The following MACROD2 variants were observed in gnomAD, a reference collection of about 807,000 sequenced individuals.
The protein encoded by MACROD2 is ADP-ribose glycohydrolase MACROD2.
A neutral mutation model predicts 70.4 loss-of-function variants in MACROD2; 36 were observed. The ratio of observed to expected loss-of-function variants is 0.51; its 90% CI spans 0.39 to 0.68. The LOEUF is 0.68. MACROD2 is among the 30% of genes least tolerant of loss of function. The probability of loss-of-function intolerance (pLI) is 0.00; values close to 1 mark genes in which losing one functional copy is unlikely to be tolerated. For missense variants in MACROD2, 496 were observed against 538.4 expected (o/e 0.92, Z 0.78); for synonymous variants, 172 against 178.8 (o/e 0.96, Z 0.30).
At chr20:14,941,200 A>T (rs890593048) in intron 5 of MACROD2, among the ~76,000 whole-genome samples, 3 of 152,100 alleles carry the variant, frequency 2.0e-5, no homozygotes, top group African/African-American at 7.2e-5. Context: ...AATCCATAAT[A>T]ATTCTGTAGT....
intron 8 of MACROD2, among the ~76,000 whole-genome samples, chr20:15,787,934 T>C (rs369881413): frequency 1.9e-3 from 290 of 152,296 alleles, no homozygotes; most frequent in African/African-American, 5.6e-3. Flanking sequence ...TATTTTACTT[T>C]TCTGTATTGA....
intron 6 of MACROD2, among the ~76,000 whole-genome samples, chr20:15,317,593 G>C (rs1164605633): frequency 6.6e-6 from 1 of 151,720 alleles, no homozygotes; most frequent in East Asian, 1.9e-4. Flanking sequence ...AGGCTGAAAA[G>C]ATCCAAGATC....
At chr20:14,430,340 G>A (rs1212453046) in intron 3 of MACROD2, among the ~76,000 whole-genome samples, 1 of 152,148 alleles carries the variant, frequency 6.6e-6, no homozygotes, top group Non-Finnish European at 1.5e-5. Flanking sequence ...TCGAAGATGA[G>A]GGAGACTGAA....
intron 3 of MACROD2, among the ~76,000 whole-genome samples, chr20:14,349,372 C>T (rs991567789): frequency 6.6e-6 from 1 of 150,832 alleles, no homozygotes; most frequent in African/African-American, 2.4e-5. Context: ...GTACCCATCC[C>T]TTCAAGCATT....
At chr20:15,611,096 G>A (rs961738239) in intron 8 of MACROD2, among the ~76,000 whole-genome samples, 1 of 133,260 alleles carries the variant, frequency 7.5e-6, no homozygotes, top group Non-Finnish European at 1.5e-5. Flanking sequence ...GCAATCCTAA[G>A]AGACTCATGT....
intron 10 of MACROD2, among the ~76,000 whole-genome samples, chr20:15,911,786 T>C (rs2065241213): frequency 6.6e-6 from 1 of 152,190 alleles, no homozygotes; most frequent in South Asian, 2.1e-4. Flanking sequence ...TGACTAAGAA[T>C]AGGGCGTACA....
chr20:14,498,834 A>G (rs762445442), intron 4 of MACROD2, among the ~76,000 whole-genome samples: 4 of 152,210 alleles, frequency 2.6e-5, no homozygotes, highest in Non-Finnish European at 4.4e-5. Context: ...CCCTCCACAT[A>G]CACAACGGCT....
intron 8 of MACROD2, among the ~76,000 whole-genome samples, chr20:15,750,127 G>A (rs543494900): frequency 6.6e-6 from 1 of 151,998 alleles, no homozygotes; most frequent in Non-Finnish European, 1.5e-5. Context: ...CCAAGAATAT[G>A]TAAGGAACTT....
chr20:14,758,423 T>G (rs991488883), intron 5 of MACROD2, among the ~76,000 whole-genome samples: 10 of 152,306 alleles, frequency 6.6e-5, no homozygotes, highest in African/African-American at 2.4e-4. Context: ...TGCAGTCCTG[T>G]ATTTCCACAG....
chr20:14,538,661 C>T (rs1378127747), intron 4 of MACROD2, among the ~76,000 whole-genome samples: 2 of 152,122 alleles, frequency 1.3e-5, no homozygotes, highest in Non-Finnish European at 2.9e-5. Context: ...TGATACCCAC[C>T]TCAGGACATG....
At chr20:14,753,944 T>C (rs1048887559) in intron 5 of MACROD2, among the ~76,000 whole-genome samples, 1 of 152,036 alleles carries the variant, frequency 6.6e-6, no homozygotes, top group South Asian at 2.1e-4. Flanking sequence ...TAACAGGAAA[T>C]ATGTGGCAAA....
intron 5 of MACROD2, among the ~76,000 whole-genome samples, chr20:14,814,461 T>G (rs1433639935): frequency 6.6e-6 from 1 of 152,070 alleles, no homozygotes; most frequent in Non-Finnish European, 1.5e-5. Context: ...ATTTTATCTT[T>G]GTGATAAGAC....
intron 5 of MACROD2, among the ~76,000 whole-genome samples, chr20:14,806,073 A>G (rs1392080709): frequency 6.6e-6 from 1 of 151,706 alleles, no homozygotes; most frequent in Non-Finnish European, 1.5e-5. Flanking sequence ...AGCTGTCATT[A>G]TTAGTTATAA....
chr20:14,852,354 T>C (rs1239298566), intron 5 of MACROD2, among the ~76,000 whole-genome samples: 1 of 152,022 alleles, frequency 6.6e-6, no homozygotes, highest in Non-Finnish European at 1.5e-5. Context: ...CTGGTGACTA[T>C]AGAAAGAATA....
intron 8 of MACROD2, among the ~76,000 whole-genome samples, chr20:15,769,416 G>T (rs2051585291): frequency 6.6e-6 from 1 of 152,100 alleles, no homozygotes; most frequent in South Asian, 2.1e-4. Flanking sequence ...CAAAGTGCTG[G>T]GATTACAGGT....
chr20:15,666,626 A>G (rs1303921530), intron 8 of MACROD2, among the ~76,000 whole-genome samples: 1 of 152,162 alleles, frequency 6.6e-6, no homozygotes, highest in African/African-American at 2.4e-5. Context: ...CTGTGTGGTC[A>G]CTCAGTCAAT....
chr20:15,752,591 T>G (rs147969307), intron 8 of MACROD2, among the ~76,000 whole-genome samples: 69 of 152,290 alleles, frequency 4.5e-4, no homozygotes, highest in Admixed American at 9.2e-4. Context: ...ATTCGCTCAC[T>G]ATGCAAGATT....
At chr20:14,145,814 A>T (rs932402267) in intron 3 of MACROD2, among the ~76,000 whole-genome samples, 1 of 152,196 alleles carries the variant, frequency 6.6e-6, no homozygotes, top group Non-Finnish European at 1.5e-5. Context: ...AAATGTACAA[A>T]TTTTCCAAAA....
chr20:15,363,629 ACGTTGCCTC>A (rs1006925120), intron 6 of MACROD2, among the ~76,000 whole-genome samples: 30 of 152,060 alleles, frequency 2.0e-4, no homozygotes, highest in African/African-American at 6.8e-4. Flanking sequence ...CTGCAGGCAA[ACGTTGCCTC>A]CCTCCAGCAC....
Sources: gnomAD v4.1 joint callset for allele counts (sites outside exome capture counted in the v4.1 genomes callset) on GRCh38, gnomAD v4.1.1 for gene constraint, MANE v1.5 for transcripts, NCBI Gene and HGNC (gene_info 2026-07-23, HGNC 2026-07-21) for gene names.